Variants in KIAA2012 observed in about 807,000 individuals in gnomAD.
The protein encoded by KIAA2012 is uncharacterized protein KIAA2012.
In KIAA2012, 125 loss-of-function variants were observed where a neutral mutation model predicts 150.6. That is an observed-to-expected ratio of 0.83 (90% CI 0.72 to 0.96). The LOEUF (loss-of-function observed/expected upper bound fraction) is 0.96. Among genes scored for constraint, KIAA2012 ranks in the 40% least tolerant of loss-of-function variants. The probability of loss-of-function intolerance (pLI) is 0.00; values close to 1 mark genes in which losing one functional copy is unlikely to be tolerated. For synonymous variants in KIAA2012, 462 were observed against 504.7 expected (o/e 0.92, Z 1.13); for missense variants, 1,219 against 1,354.9 (o/e 0.90, Z 1.57).
In KIAA2012 at chr2:202,157,012, T is replaced by C. The variant is rs542984456; in HGVS notation, c.2046+2202T>C. 2.0e-5 allele frequency among the ~76,000 whole-genome samples: 3 copies of C among 152,256 alleles called. No individual in the cohort carries two copies. In the South Asian group the frequency reaches 6.2e-4, roughly 32 times the overall value. On this transcript the variant is annotated intron_variant, in intron 14 of 23. Transcript: ENST00000498697. Reference sequence around the variant, plus strand: ...TTTTTGTCCAGCAATTTTGGCACAGTATTATAGAAGGAAAAGTGTTGTCAT... The same window carrying C: ...TTTTTGTCCAGCAATTTTGGCACAGCATTATAGAAGGAAAAGTGTTGTCAT...
intron 13 of KIAA2012, among the ~76,000 whole-genome samples, chr2:202,140,870 C>A (rs529553332): frequency 3.3e-5 from 5 of 152,188 alleles, no homozygotes; most frequent in Non-Finnish European, 5.9e-5. Flanking sequence ...AGTTCCCCCA[C>A]TGGCTGCCCC....
chr2:202,142,136 T>C (rs1356648477), intron 13 of KIAA2012, among the ~76,000 whole-genome samples: 1 of 152,200 alleles, frequency 6.6e-6, no homozygotes, highest in African/African-American at 2.4e-5. Flanking sequence ...TATATGCATA[T>C]TGAGGCAAAC....
chr2:202,075,597 T>C (rs185772187), intron 2 of KIAA2012, among the ~76,000 whole-genome samples: 139 of 152,310 alleles, frequency 9.1e-4, no homozygotes, highest in African/African-American at 2.9e-3. Flanking sequence ...ACATTTTAAA[T>C]ATTTACCTTG....
intron 14 of KIAA2012, among the ~76,000 whole-genome samples, chr2:202,160,804 G>T (rs150027879): frequency 6.6e-6 from 1 of 152,114 alleles, no homozygotes; most frequent in East Asian, 1.9e-4. Context: ...TCTCTTCCTG[G>T]TTAAGCCTTT....
At chr2:202,198,388 TA>T (rs986046093) in intron 22 of KIAA2012, among the ~76,000 whole-genome samples, 1 of 152,040 alleles carries the variant, frequency 6.6e-6, no homozygotes, top group African/African-American at 2.4e-5. Flanking sequence ...GTTGGAAGAA[TA>T]AAAGACAGTA....
At chr2:202,179,365 T>G (rs571557240) in intron 15 of KIAA2012, 1 of 882,806 alleles carries the variant, frequency 1.1e-6, no homozygotes, top group South Asian at 1.3e-5. Context: ...GGATTGAATA[T>G]GCTTTGGCTG....
chr2:202,080,696 C>CAA (rs59085497), intron 2 of KIAA2012, among the ~76,000 whole-genome samples: 7 of 104,742 alleles, frequency 6.7e-5, no homozygotes, highest in South Asian at 3.2e-4. Flanking sequence ...AACTCCGTCT[C>CAA]AAAAAAAAAA....
intron 21 of KIAA2012, among the ~76,000 whole-genome samples, chr2:202,196,441 C>T (rs914071050): frequency 3.3e-5 from 5 of 151,500 alleles, no homozygotes; most frequent in African/African-American, 9.7e-5. Flanking sequence ...GTGATCCGCC[C>T]GCCTCGGCCT....
At chr2:202,154,919 CTG>C in intron 14 of KIAA2012, 109 bp downstream of exon 14, 1 of 1,264,222 alleles carries the variant, frequency 7.9e-7, no homozygotes, top group Non-Finnish European at 1.1e-6. Context: ...CTCAGAGCTC[CTG>C]CATTATCAGA....
At chr2:202,182,108 C>CTTTTTTTTTTTTT (rs754494077) in intron 15 of KIAA2012, among the ~76,000 whole-genome samples, 7 of 104,122 alleles carry the variant, frequency 6.7e-5, no homozygotes, top group Non-Finnish European at 1.4e-4. Flanking sequence ...TTTCTTTATT[C>CTTTTTTTTTTTTT]TTTTTTTTTT....
intron 19 of KIAA2012, among the ~76,000 whole-genome samples, chr2:202,191,065 T>C (rs1469358469): frequency 6.6e-6 from 1 of 151,696 alleles, no homozygotes; most frequent in Non-Finnish European, 1.5e-5. Context: ...GATCATGAGG[T>C]CAGGAGTTCA....
intron 13 of KIAA2012, among the ~76,000 whole-genome samples, chr2:202,153,760 T>C (rs560239911): frequency 4.0e-4 from 61 of 152,304 alleles, no homozygotes; most frequent in African/African-American, 1.4e-3. Flanking sequence ...TTTCATCCCT[T>C]TGGGCACTGC....
At chr2:202,180,733 G>A (rs1692101239) in intron 15 of KIAA2012, among the ~76,000 whole-genome samples, 1 of 152,184 alleles carries the variant, frequency 6.6e-6, no homozygotes, top group Non-Finnish European at 1.5e-5. Context: ...GCTGAGGGAT[G>A]AGAATCGGTT....
Position 202,073,588 on chromosome 2 carries a change from A to C in KIAA2012, c.-40A>C, listed in dbSNP as rs1438690658. On this transcript the variant is annotated 5_prime_UTR_variant, in exon 1 of 24. Coordinates refer to ENST00000498697, the MANE Select transcript of KIAA2012 (RefSeq NM_001277372.4). ...TGACCAGATTTCAGCCTTCAAAACC[A>C]AGATGGACTGCCCTTGAGAAGGGGT... 1.5e-5 allele frequency: 23 copies of C among 1,542,158 alleles called. No homozygotes were observed. Among genetic ancestry groups the C allele is most frequent in the Admixed American group, 3.9e-5 (2 of 50,792 alleles).
intron 15 of KIAA2012, among the ~76,000 whole-genome samples, chr2:202,177,226 TAA>T (rs1273436928): frequency 1.3e-5 from 2 of 152,190 alleles, no homozygotes; most frequent in Admixed American, 6.5e-5. Flanking sequence ...ATCATTTATG[TAA>T]AGTTTTAATT....
intron 22 of KIAA2012, among the ~76,000 whole-genome samples, chr2:202,201,002 G>C (rs1221534350): frequency 6.6e-6 from 1 of 152,086 alleles, no homozygotes; most frequent in Non-Finnish European, 1.5e-5. Context: ...CACCGCGCCT[G>C]GCCGTAATTT....
intron 5 of KIAA2012, among the ~76,000 whole-genome samples, chr2:202,098,337 G>T (rs1324249514): frequency 6.6e-6 from 1 of 152,186 alleles, no homozygotes; most frequent in South Asian, 2.1e-4. Context: ...TCCAGCCTGG[G>T]CAACAGAGTG....
chr2:202,150,095 T>A (rs1691391666), intron 13 of KIAA2012, among the ~76,000 whole-genome samples: 1 of 152,244 alleles, frequency 6.6e-6, no homozygotes, highest in African/African-American at 2.4e-5. Flanking sequence ...AAGATAATAA[T>A]CCTGGATTTT....
At position 202,201,235 on chromosome 2, in the gene KIAA2012, T is replaced by C. The variant is rs143046773; in HGVS notation, c.3408-1194T>C. 11,344 of 1,475,028 alleles carry C rather than the reference T, an allele frequency of 7.7e-3. 76 individuals are homozygous for C. Among genetic ancestry groups the C allele is most frequent in the Middle Eastern group, 0.024 (111 of 4,590 alleles). 91.4% of individuals were successfully genotyped at this position (1,475,028 alleles called of 1,614,324 possible). A position where few individuals can be genotyped will look rare whatever the true frequency, so the allele number is the denominator to read the frequency against. On this transcript the variant is annotated intron_variant, in intron 22 of 23. Coordinates refer to ENST00000498697, the MANE Select transcript of KIAA2012 (RefSeq NM_001277372.4). ...ATGGTTCCTCATTAAATGTGAAAAG[T>C]GCCTGAAAGTTGGGGCACCAGAAAG...
Sources: allele counts gnomAD v4.1 joint callset (sites outside exome capture counted in the v4.1 genomes callset), GRCh38; gene constraint gnomAD v4.1.1; transcripts MANE v1.5; gene names NCBI Gene and HGNC (gene_info 2026-07-23, HGNC 2026-07-21).